The following BRDT variants were observed in gnomAD, a reference collection of about 807,000 sequenced individuals.
BRDT encodes the protein bromodomain testis associated, also known as bromodomain testis-specific protein.
BRDT carries 77 observed loss-of-function variants against 113.9 expected under a neutral mutation model. The ratio of observed to expected loss-of-function variants is 0.68; its 90% CI spans 0.56 to 0.82. The LOEUF is 0.82. Among genes scored for constraint, BRDT ranks in the 40% least tolerant of loss-of-function variants. The pLI is 0.00. For synonymous variants in BRDT, 358 were observed against 366.5 expected (o/e 0.98, Z 0.26); for missense variants, 1,027 against 1,105.4 (o/e 0.93, Z 1.01).
chr1:92,005,899 T>C (rs1008076204), intron 18 of BRDT, among the ~76,000 whole-genome samples: 1 of 152,242 alleles, frequency 6.6e-6, no homozygotes, highest in Non-Finnish European at 1.5e-5. Flanking sequence ...ATTTCTTCGG[T>C]TGACTGCTAG....
chr1:91,981,660 G>C lies in BRDT; in HGVS notation c.1907G>C (p.Arg636Pro). ...TCCAAAGCTGTTGAAAATGTTTCCC[G>C]ACTGAGTGAGAGCAGCAGCAGCAGC... The part of the protein sequence containing the change: ...QPSKAVENVS[R>P]LSESSSSSSS... The change falls in exon 12 of 19, where the codon CGA becomes CCA. Residue 636 changes from arginine to proline, a missense_variant. By Grantham distance (103) the Arg-to-Pro change is moderately radical (BLOSUM62 -2). Transcript: ENST00000399546. The C allele has an allele frequency of 1.2e-6, 2 of 1,614,060 alleles. No individual in the cohort carries two copies. Among genetic ancestry groups the C allele is most frequent in the Non-Finnish European group, 1.7e-6 (2 of 1,180,006 alleles).
intron 1 of BRDT, among the ~76,000 whole-genome samples, chr1:91,959,419 CTTTT>C (rs11346071): frequency 1.8e-5 from 2 of 112,784 alleles, no homozygotes; most frequent in African/African-American, 3.2e-5. Flanking sequence ...CTTTTTCTTT[CTTTT>C]TTTTTTTTTT....
rs540607000 is a variant in BRDT, at chr1:92,009,652, C to T, written c.2775+4353C>T. Among the ~76,000 whole-genome samples, 14 of 150,366 alleles carry T rather than the reference C, an allele frequency of 9.3e-5. No homozygotes were observed. The East Asian group carries it at 2.4e-3, about 26-fold the overall frequency. On this transcript the variant is annotated intron_variant, in intron 18 of 18. Transcript: ENST00000399546. ...GCAGGCTTGACCTCCCAGGCTCAAG[C>T]GATCCTCCTACCCCAACCCCCCAGT...
intron 12 of BRDT, among the ~76,000 whole-genome samples, chr1:91,988,137 G>A (rs753599356): frequency 3.3e-5 from 5 of 152,100 alleles, no homozygotes; most frequent in African/African-American, 7.2e-5. Context: ...GTGAGCCACC[G>A]TGCCCGGCCT....
At position 92,006,750 on chromosome 1, in the gene BRDT, AGCCACCAT is replaced by A. The variant is rs1687348344; in HGVS notation, c.2775+1455_2775+1462del. ...CCAAAGTGCTGGGATTACAGATGTG[AGCCACCAT>A]GCCCAGCCTGTTTTTTATTTTTATT... On this transcript the variant is annotated intron_variant, in intron 18 of 18. Coordinates refer to ENST00000399546, the MANE Select transcript of BRDT (RefSeq NM_207189.4). 2.6e-5 allele frequency among the ~76,000 whole-genome samples: 4 copies of A among 152,018 alleles called. No homozygotes were observed. In the South Asian group the frequency reaches 8.3e-4, roughly 32 times the overall value.
At chr1:91,973,966 C>G (rs1433543997) in intron 4 of BRDT, among the ~76,000 whole-genome samples, 2 of 152,092 alleles carry the variant, frequency 1.3e-5, no homozygotes, top group Non-Finnish European at 2.9e-5. Flanking sequence ...GAACAGAGCC[C>G]TCAGAAATAA....
Position 91,962,895 on chromosome 1 carries a change from T to G in BRDT, c.141T>G (p.Ser47Arg). Residue 47 changes from serine (S) to arginine (R), a missense_variant, in exon 2 of 19, where the codon AGT (serine) becomes AGG (arginine). Physicochemically the swap from Ser to Arg is moderately radical, Grantham distance 110 (BLOSUM62 -1). Coordinates refer to ENST00000399546, the MANE Select transcript of BRDT (RefSeq NM_207189.4). ...KVVLKDLWKH[S>R]FSWPFQRPVD... is the part of the protein sequence containing the mutation. The stretch of plus-strand genomic sequence containing the variant: ...TCCTAAAGGATTTATGGAAGCATAG[T>G]TTTTCATGGCCCTTTCAACGTCCTG... 1 of 1,611,986 alleles carries G rather than the reference T, an allele frequency of 6.2e-7. No homozygotes were observed. The highest frequency in any genetic ancestry group is 1.1e-5 in the South Asian group (1 of 90,470).
At chr1:92,004,391 A>G (rs2101807084) in intron 16 of BRDT, 23 bp from the exon 17 acceptor site, 3 of 1,568,174 alleles carry the variant, frequency 1.9e-6, no homozygotes, top group Non-Finnish European at 2.6e-6. Flanking sequence ...GTAGACATAG[A>G]CTGAACCAAA....
chr1:91,992,645 C>T (rs1685905826), intron 14 of BRDT, among the ~76,000 whole-genome samples: 1 of 152,156 alleles, frequency 6.6e-6, no homozygotes, highest in Admixed American at 6.5e-5. Context: ...AAGCGATTCT[C>T]ATGCCTCAGT....
At chr1:92,011,086 T>C (rs1025176322) in intron 18 of BRDT, among the ~76,000 whole-genome samples, 7 of 152,176 alleles carry the variant, frequency 4.6e-5, no homozygotes, top group Non-Finnish European at 1.0e-4. Flanking sequence ...AGAACAGCCA[T>C]TGGCTTTAGC....
chr1:91,991,991 C>CAAAAAAAAAAAAAAAAAAAAAAAAA (rs764759925), intron 13 of BRDT, among the ~76,000 whole-genome samples: 1 of 67,740 alleles, frequency 1.5e-5, no homozygotes, highest in African/African-American at 5.8e-5. Flanking sequence ...GACTCTGTCT[C>CAAAAAAAAAAAAAAAAAAAAAAAAA]AAAAAAAAAA....
At chr1:91,983,316 G>C (rs1238231031) in intron 12 of BRDT, among the ~76,000 whole-genome samples, 2 of 148,134 alleles carry the variant, frequency 1.4e-5, no homozygotes, top group Non-Finnish European at 3.0e-5. Flanking sequence ...CCAGGCTGGA[G>C]TGCAGTGGCG....
At position 91,970,243 on chromosome 1, in the gene BRDT, T is replaced by A. The variant is rs1377368918; in HGVS notation, c.445+1983T>A. ...GTCAGATGAAATTACATGTAACATA[T>A]GCTGTGTTTGAAAAGAATGAGAAAT... is the stretch of plus-strand genomic sequence containing the variant. On this transcript the variant is annotated intron_variant, in intron 4 of 18. Coordinates refer to ENST00000399546, the MANE Select transcript of BRDT (RefSeq NM_207189.4). 3.3e-5 allele frequency among the ~76,000 whole-genome samples: 5 copies of A among 152,192 alleles called. No homozygotes were observed. In the East Asian group the frequency reaches 9.6e-4, roughly 29 times the overall value.
intron 6 of BRDT, among the ~76,000 whole-genome samples, chr1:91,977,705 T>TAAA (rs531587291): frequency 1.5e-3 from 180 of 121,610 alleles, no homozygotes; most frequent in Non-Finnish European, 2.6e-3. Context: ...TCGTCTCTAC[T>TAAA]AAAAAAAAAA....
intron 3 of BRDT, among the ~76,000 whole-genome samples, chr1:91,966,524 A>C (rs890068351): frequency 4.6e-5 from 7 of 152,274 alleles, no homozygotes; most frequent in East Asian, 1.9e-4. Context: ...ACACCACTGC[A>C]TCCAGCTCCA....
intron 1 of BRDT, among the ~76,000 whole-genome samples, chr1:91,954,030 G>A (rs906307162): frequency 2.6e-5 from 4 of 151,796 alleles, no homozygotes; most frequent in African/African-American, 9.7e-5. Context: ...AGAGTACAGT[G>A]GCATGATCTC....
At chr1:91,985,603 T>G (rs1303853459) in intron 12 of BRDT, among the ~76,000 whole-genome samples, 1 of 151,864 alleles carries the variant, frequency 6.6e-6, no homozygotes, top group Non-Finnish European at 1.5e-5. Flanking sequence ...TCTTTTATAA[T>G]GTTTGTGTCA....
intron 8 of BRDT, 43 bp from the exon 9 acceptor site, chr1:91,980,600 A>G: frequency 7.3e-7 from 1 of 1,361,380 alleles, no homozygotes; most frequent in Non-Finnish European, 9.5e-7. Flanking sequence ...TTCTTTAATT[A>G]TTTAGAGACA....
At position 91,980,724 on chromosome 1, in the gene BRDT, A is replaced by G; in HGVS notation, c.1369A>G (p.Lys457Glu). The G allele has an allele frequency of 6.2e-7, 1 of 1,608,746 alleles. No homozygotes were observed. Among genetic ancestry groups the G allele is most frequent in the Non-Finnish European group, 8.5e-7 (1 of 1,178,970 alleles). Residue 457 changes from lysine to glutamate, a missense_variant, in exon 9 of 19, where the codon AAG (lysine) becomes GAG (glutamate). Lys to Glu is a moderately conservative substitution (Grantham distance 56). Coordinates refer to ENST00000399546, the MANE Select transcript of BRDT (RefSeq NM_207189.4). ...KLNKKKEKSK[K>E]EKKKEKVNNS... is the part of the protein sequence containing the mutation. Reference sequence around the variant, plus strand: ...AAATAAAAAGAAAGAGAAGTCTAAAAAGGAAAAGAAAAAAGAAAAGGTTAA... The same window carrying G: ...AAATAAAAAGAAAGAGAAGTCTAAAGAGGAAAAGAAAAAAGAAAAGGTTAA...
Sources: allele counts gnomAD v4.1 joint callset (sites outside exome capture counted in the v4.1 genomes callset), GRCh38; gene constraint gnomAD v4.1.1; transcripts MANE v1.5; gene names NCBI Gene and HGNC (gene_info 2026-07-23, HGNC 2026-07-21).